The following RNF40 variants were observed in gnomAD, a reference collection of about 807,000 sequenced individuals.
RNF40 encodes ring finger protein 40.
A neutral mutation model predicts 123.3 loss-of-function variants in RNF40; 39 were observed. That is an observed-to-expected ratio of 0.32 (90% CI 0.24 to 0.41). RNF40 has a LOEUF of 0.41. Among genes scored for constraint, RNF40 ranks in the 10% least tolerant of loss-of-function variants. The probability of loss-of-function intolerance (pLI) is 1.00; values close to 1 mark genes in which losing one functional copy is unlikely to be tolerated. For synonymous variants in RNF40, 538 were observed against 526.0 expected (o/e 1.02, Z -0.31); for missense variants, 1,003 against 1,319.9 (o/e 0.76, Z 3.72).
At chr16:30,764,031 G>A in intron 4 of RNF40, 148 bp from the exon 5 acceptor site, 2 of 655,350 alleles carry the variant, frequency 3.1e-6, no homozygotes, top group Non-Finnish European at 5.1e-6. Context: ...AATTTCATTT[G>A]TCTCACTTTC....
At chr16:30,769,626 A>G (rs1175286233) in intron 17 of RNF40, 26 bp downstream of exon 17, 1 of 1,508,634 alleles carries the variant, frequency 6.6e-7, no homozygotes, top group Non-Finnish European at 8.9e-7. Context: ...GGGGACACAC[A>G]GCTTGGGCTG....
At position 30,762,982 on chromosome 16, in the gene RNF40, A is replaced by T. The variant is rs542136748; in HGVS notation, c.133-136A>T. 128 of 1,001,458 alleles carry T rather than the reference A, an allele frequency of 1.3e-4. 1 individual carries two copies. The South Asian group carries it at 2.0e-3, about 15-fold the overall frequency. 62.0% of individuals were successfully genotyped at this position (1,001,458 alleles called of 1,614,324 possible). On this transcript the variant is annotated intron_variant, in intron 2 of 19. Transcript: ENST00000324685. ...CGCTGTGTGTTGTCTGAGCCTCCTT[A>T]GATTCTGTTAGCGGTTAGTGTGGGA...
At chr16:30,765,900 C>G (rs935713824) in intron 8 of RNF40, among the ~76,000 whole-genome samples, 2 of 152,150 alleles carry the variant, frequency 1.3e-5, no homozygotes, top group Non-Finnish European at 2.9e-5. Flanking sequence ...TGCCCTTTTT[C>G]CCTTTATTAG....
Position 30,768,255 on chromosome 16 carries a change from T to G in RNF40, c.1704T>G (p.Pro568=), listed in dbSNP as rs946442918. 2 of 1,613,794 alleles carry G rather than the reference T, an allele frequency of 1.2e-6. No individual in the cohort carries two copies. Among genetic ancestry groups the G allele is most frequent in the Admixed American group, 1.7e-5 (1 of 60,006 alleles). Residue 568 remains proline, a synonymous_variant, in exon 13 of 20, where the codon CCT becomes CCG. Transcript: ENST00000324685. The surrounding 1 kb of genome is among the most constrained non-coding windows in gnomAD (Gnocchi z 4.1). ...ACAGAAAGGAGATGGCTCCAGTGCC[T>G]GGCACCACCACTACTACCACTTCAG... ...PDNRKEMAPV[P]GTTTTTTSVK...
At position 30,763,411 on chromosome 16, in the gene RNF40, C is replaced by T. The variant is rs774555341; in HGVS notation, c.301-7C>T. On this transcript the variant is annotated splice_polypyrimidine_tract_variant and splice_region_variant and intron_variant, in intron 3 of 19. Coordinates refer to ENST00000324685, the MANE Select transcript of RNF40 (RefSeq NM_014771.4). ...TTCATAACATTTTTGATGTTTTCTCCTTCCAGCTGGATGAAACTGTGGAAG... is the reference window on the plus strand; with the variant it reads ...TTCATAACATTTTTGATGTTTTCTCTTTCCAGCTGGATGAAACTGTGGAAG... 13 of 1,600,656 alleles carry T rather than the reference C, an allele frequency of 8.1e-6. No homozygotes were observed. The highest frequency in any genetic ancestry group is 1.1e-5 in the Non-Finnish European group (13 of 1,173,140).
upstream of RNF40, chr16:30,761,763 G>A (rs2053825973): frequency 1.3e-6 from 2 of 1,510,744 alleles, no homozygotes; most frequent in Non-Finnish European, 1.8e-6. Flanking sequence ...CCGCTCTTCC[G>A]TGCCGCGAGG....
chr16:30,766,806 C>G lies in RNF40; in HGVS notation c.1359C>G (p.Ala453=), dbSNP rs779532260. The G allele has an allele frequency of 1.2e-6, 2 of 1,613,954 alleles. No individual in the cohort carries two copies. Among genetic ancestry groups the G allele is most frequent in the East Asian group, 4.5e-5 (2 of 44,884 alleles). ...TCATTCAGCTGGAGGACACGCTGGC[C>G]CAGGTACGCAAGGAGTATGAGATGC... ...TEVIQLEDTL[A]QVRKEYEMLR... Residue 453 remains alanine (A), a synonymous_variant, in exon 11 of 20, where the codon GCC becomes GCG. Coordinates refer to ENST00000324685, the MANE Select transcript of RNF40 (RefSeq NM_014771.4). The surrounding 1 kb of genome is among the most constrained non-coding windows in gnomAD (Gnocchi z 5.4).
rs777382766 is a variant in RNF40 at position 30,769,569 on chromosome 16, G to A, written c.2555G>A (p.Arg852His). 6.9e-6 allele frequency: 11 copies of A among 1,604,330 alleles called. No individual in the cohort carries two copies. Among genetic ancestry groups the A allele is most frequent in the Non-Finnish European group, 9.4e-6 (11 of 1,175,328 alleles). The change falls in exon 17 of 20, where the codon CGC becomes CAC. Residue 852 changes from arginine to histidine, a missense_variant. Transcript: ENST00000324685. Reference protein sequence around the residue: ...LGGVEKELTLRSQALELNKRK... With the variant: ...LGGVEKELTLHSQALELNKRK... ...GGTGTGGAGAAGGAGCTGACGCTGCGCAGCCAAGCCCTGGAGCTCAACAAG... is the reference window on the plus strand; with the variant it reads ...GGTGTGGAGAAGGAGCTGACGCTGCACAGCCAAGCCCTGGAGCTCAACAAG...
Position 30,774,394 on chromosome 16 carries a change from A to C in RNF40, c.*280A>C. 1 of 386,430 alleles carries C rather than the reference A, an allele frequency of 2.6e-6. No homozygotes were observed. The highest frequency in any genetic ancestry group is 4.7e-6 in the Non-Finnish European group (1 of 212,890). The allele number at this position is 386,430 out of a possible 1,614,324, so 23.9% of individuals were successfully genotyped here. On this transcript the variant is annotated 3_prime_UTR_variant, in exon 20 of 20. Transcript: ENST00000324685. The stretch of plus-strand genomic sequence containing the variant: ...CTGAGGAGCCCAGAGCACTTGACTG[A>C]GCTTCCCGGAAACTGGCCCTAACCT...
In RNF40 at chr16:30,772,204, C is replaced by T. The variant is rs555521964; in HGVS notation, c.2829+14C>T. ...AAGGAGTACAAGGTGGGGCTGTGGGCCAAGTTGTGCCCTATCCACCTGAGA... is the reference window on the plus strand; with the variant it reads ...AAGGAGTACAAGGTGGGGCTGTGGGTCAAGTTGTGCCCTATCCACCTGAGA... On this transcript the variant is annotated intron_variant, in intron 19 of 19. Coordinates refer to ENST00000324685, the MANE Select transcript of RNF40 (RefSeq NM_014771.4). 7.8e-6 allele frequency: 12 copies of T among 1,537,924 alleles called. No individual in the cohort carries two copies. In the South Asian group the frequency reaches 1.3e-4, roughly 17 times the overall value.
At chr16:30,762,878 C>T (rs957966191) in intron 2 of RNF40, among the ~76,000 whole-genome samples, 2 of 152,198 alleles carry the variant, frequency 1.3e-5, no homozygotes, top group South Asian at 2.1e-4. Context: ...TTCCAGGGGG[C>T]GTGTGACTTG....
chr16:30,763,637 C>A (rs997733241), intron 4 of RNF40, 78 bp downstream of exon 4: 4 of 1,472,770 alleles, frequency 2.7e-6, no homozygotes, highest in Admixed American at 2.0e-5. Context: ...TGGTGTTGGG[C>A]CCCTGAATTG....
At chr16:30,767,778 G>A (rs1240984382) in intron 11 of RNF40, 116 bp from the exon 12 acceptor site, 15 of 1,390,568 alleles carry the variant, frequency 1.1e-5, no homozygotes, top group Admixed American at 7.3e-5. Context: ...CGTTGAGGCC[G>A]CAATGTTCCC....
chr16:30,774,148 A>T lies in RNF40; in HGVS notation c.*34A>T. The T allele has an allele frequency of 6.3e-7, 1 of 1,582,436 alleles. No individual in the cohort carries two copies. Among genetic ancestry groups the T allele is most frequent in the African/African-American group, 1.4e-5 (1 of 73,924 alleles). ...CTCAGGGGACTCTGGAACACCATGG[A>T]CCCTGGGGGCTGTGCCCCCATCTCC... On this transcript the variant is annotated 3_prime_UTR_variant, in exon 20 of 20. Coordinates refer to ENST00000324685, the MANE Select transcript of RNF40 (RefSeq NM_014771.4).
chr16:30,771,146 T>C (rs2054141283), intron 17 of RNF40, among the ~76,000 whole-genome samples: 1 of 152,194 alleles, frequency 6.6e-6, no homozygotes, highest in African/African-American at 2.4e-5. Flanking sequence ...AGCAGGCCAG[T>C]AATCCCCCAA....
chr16:30,765,749 A>T (rs372266345), intron 8 of RNF40, among the ~76,000 whole-genome samples: 1 of 152,276 alleles, frequency 6.6e-6, no homozygotes, highest in African/African-American at 2.4e-5. Flanking sequence ...AAATAAAAGA[A>T]TATATCTTTA....
chr16:30,763,796 A>G (rs1191406399), intron 4 of RNF40, among the ~76,000 whole-genome samples: 1 of 152,226 alleles, frequency 6.6e-6, no homozygotes, highest in East Asian at 1.9e-4. Flanking sequence ...ATTATGGTTG[A>G]GTATTAAATA....
chr16:30,762,278 G>GT (rs199859165), upstream of RNF40: 13 of 344,668 alleles, frequency 3.8e-5, no homozygotes, highest in Admixed American at 6.0e-5. Context: ...GCGCACCGTT[G>GT]GGGGGGGGGC....
At chr16:30,769,711 C>T (rs1042238567) in intron 17 of RNF40, 111 bp downstream of exon 17, 4 of 1,198,068 alleles carry the variant, frequency 3.3e-6, no homozygotes, top group Non-Finnish European at 3.4e-6. Context: ...CAGGCTGTCA[C>T]AGAACAGCTC....
Sources: gnomAD v4.1 joint callset for allele counts (sites outside exome capture counted in the v4.1 genomes callset) on GRCh38, gnomAD v4.1.1 for gene constraint, Gnocchi (gnomAD v3.1) non-coding constraint, MANE v1.5 for transcripts, NCBI Gene and HGNC (gene_info 2026-07-23, HGNC 2026-07-21) for gene names.